The following DDX31 variants were observed in gnomAD, a reference collection of about 807,000 sequenced individuals.
DDX31 encodes the protein DEAD-box helicase 31.
In DDX31, 70 loss-of-function variants were observed where a neutral mutation model predicts 91.3. The ratio of observed to expected loss-of-function variants is 0.77; its 90% CI spans 0.63 to 0.94. The LOEUF (loss-of-function observed/expected upper bound fraction) is 0.94. DDX31 is among the 40% of genes least tolerant of loss of function. The pLI, the probability that DDX31 is intolerant of heterozygous loss-of-function variation, is 0.00. For missense variants in DDX31, 902 were observed against 925.0 expected, an observed-to-expected ratio of 0.98 and a Z score of 0.32; for synonymous variants, 362 against 350.6, an observed-to-expected ratio of 1.03 and a Z score of -0.36.
At chr9:132,605,633 C>T (rs1564278328) in intron 19 of DDX31, among the ~76,000 whole-genome samples, 1 of 152,204 alleles carries the variant, frequency 6.6e-6, no homozygotes, top group Non-Finnish European at 1.5e-5. Context: ...AAGCTGCCAC[C>T]ACAACAGACC....
In DDX31 at chr9:132,602,555, C is replaced by T. The variant is rs577759137; in HGVS notation, c.1995-7443G>A. Among the ~76,000 whole-genome samples, 4 of 152,306 alleles carry T rather than the reference C, an allele frequency of 2.6e-5. No homozygotes were observed. In the East Asian group the frequency reaches 7.7e-4, roughly 29 times the overall value. On this transcript the variant is annotated intron_variant, in intron 19 of 19. Transcript: ENST00000372159. Reference sequence around the variant, plus strand: ...AATGTTGGCTTCAAAACCCACGCTCCTAGCACTGTACCGTTCTGCTTCCAG... The same window carrying T: ...AATGTTGGCTTCAAAACCCACGCTCTTAGCACTGTACCGTTCTGCTTCCAG...
chr9:132,632,239 TGTACAC>T lies in DDX31; in HGVS notation c.1441-154_1441-149del, dbSNP rs879034947. ...GGCATACACGTATATGCCCAGTACG[TGTACAC>T]ACACACACACACACACACACACACA... On this transcript the variant is annotated intron_variant, in intron 14 of 19. Transcript: ENST00000372159. The T allele has an allele frequency of 9.8e-3, 522 of 53,236 alleles. 102 individuals are homozygous for T. The highest frequency in any genetic ancestry group is 0.02 in the Admixed American group (53 of 2,694). The allele number at this position is 53,236 out of a possible 1,614,324, so 3.3% of individuals were successfully genotyped here.
rs553093011 is a variant in DDX31 at position 132,595,164 on chromosome 9, C to G, written c.1995-52G>C. ...AAAAGAAACTTTATTATTTTTCTTT[C>G]CCATTTGGAAAGAGGCTGATAGCAG... On this transcript the variant is annotated intron_variant, in intron 19 of 19. Transcript: ENST00000372159. This position sits in a 1 kb window ranked among gnomAD's most constrained non-coding sequence, Gnocchi z 4.6. The G allele has an allele frequency of 1.9e-6, 3 of 1,577,698 alleles. No homozygotes were observed. Among genetic ancestry groups the G allele is most frequent in the Non-Finnish European group, 2.6e-6 (3 of 1,162,770 alleles).
At chr9:132,641,441 C>T (rs1284635930) in intron 14 of DDX31, among the ~76,000 whole-genome samples, 1 of 152,180 alleles carries the variant, frequency 6.6e-6, no homozygotes. Flanking sequence ...GGGTAGAGAA[C>T]ACTGAAGGTT....
intron 19 of DDX31, among the ~76,000 whole-genome samples, chr9:132,597,687 C>T (rs1326991613): frequency 6.6e-6 from 1 of 152,150 alleles, no homozygotes; most frequent in East Asian, 1.9e-4. Flanking sequence ...GGCAGTGCGC[C>T]CGTGCTCCCA....
rs141592319 is a variant in DDX31, at chr9:132,617,619, A to T, written c.1825+711T>A. On this transcript the variant is annotated intron_variant, in intron 18 of 19. Transcript: ENST00000372159. ...AAAATAGCAGGCAACTAACAAAAAA[A>T]CCCTGTGCATACTCCAGCATGGAGT... Among the ~76,000 whole-genome samples the T allele has an allele frequency of 3.3e-5, 5 of 152,272 alleles. No homozygotes were observed. In the East Asian group the frequency reaches 9.6e-4, roughly 29 times the overall value.
intron 3 of DDX31, 21 bp downstream of exon 3, chr9:132,662,240 A>G (rs1169099263): frequency 6.2e-7 from 1 of 1,613,836 alleles, no homozygotes. Flanking sequence ...ACTGACCCAG[A>G]AAACACTGAA....
At chr9:132,614,723 T>C (rs1237848070) in intron 18 of DDX31, among the ~76,000 whole-genome samples, 1 of 152,100 alleles carries the variant, frequency 6.6e-6, no homozygotes, top group Non-Finnish European at 1.5e-5. Flanking sequence ...TCCCAGGAGA[T>C]GTAGGTGCCC....
chr9:132,612,425 T>A, intron 18 of DDX31, 170 bp from the exon 19 acceptor site: 24 of 660,474 alleles, frequency 3.6e-5, no homozygotes, highest in East Asian at 6.1e-5. Context: ...GTGTATTTCT[T>A]CAATTCCTAA....
chr9:132,648,997 C>T (rs1024225916), intron 9 of DDX31, among the ~76,000 whole-genome samples: 23 of 152,266 alleles, frequency 1.5e-4, no homozygotes, highest in African/African-American at 3.4e-4. Context: ...TTCCATTCAA[C>T]GGGGCTCAGC....
rs962218344 is a variant in DDX31 at position 132,595,708 on chromosome 9, G to A, written c.1995-596C>T. Among the ~76,000 whole-genome samples, 1 of 152,170 alleles carries A rather than the reference G, an allele frequency of 6.6e-6. No individual in the cohort carries two copies. Among genetic ancestry groups the A allele is most frequent in the African/African-American group, 2.4e-5 (1 of 41,428 alleles). Reference sequence around the variant, plus strand: ...TCTGACCCTACAAAACCCAAACCCAGGGCACAGCCTGGTCAATGTCTGCAT... The same window carrying A: ...TCTGACCCTACAAAACCCAAACCCAAGGCACAGCCTGGTCAATGTCTGCAT... On this transcript the variant is annotated intron_variant, in intron 19 of 19. Coordinates refer to ENST00000372159, the MANE Select transcript of DDX31 (RefSeq NM_022779.9). This position sits in a 1 kb window ranked among gnomAD's most constrained non-coding sequence, Gnocchi z 4.6.
intron 9 of DDX31, among the ~76,000 whole-genome samples, chr9:132,649,325 C>T (rs144248386): frequency 1.3e-5 from 2 of 152,130 alleles, no homozygotes; most frequent in Admixed American, 6.5e-5. Flanking sequence ...AAAGGGAACA[C>T]GCCAATCACA....
At position 132,594,625 on chromosome 9, in the gene DDX31, T is replaced by C. The variant is rs1830343981; in HGVS notation, c.*241A>G. 2 of 545,540 alleles carry C rather than the reference T, an allele frequency of 3.7e-6. No individual in the cohort carries two copies. The highest frequency in any genetic ancestry group is 3.1e-6 in the Non-Finnish European group (1 of 322,850). The allele number at this position is 545,540 out of a possible 1,614,324, so 33.8% of individuals were successfully genotyped here. Reference sequence around the variant, plus strand: ...GAGTGCCGGGCACTGATGGGATCAATACAAGACACAGACCCCTTCCGTCGG... The same window carrying C: ...GAGTGCCGGGCACTGATGGGATCAACACAAGACACAGACCCCTTCCGTCGG... On this transcript the variant is annotated 3_prime_UTR_variant, in exon 20 of 20. Coordinates refer to ENST00000372159, the MANE Select transcript of DDX31 (RefSeq NM_022779.9).
At chr9:132,646,802 G>A (rs11243859) in intron 12 of DDX31, 21 bp downstream of exon 12, 25 of 1,609,720 alleles carry the variant, frequency 1.6e-5, no homozygotes, top group Non-Finnish European at 1.9e-5. Flanking sequence ...GAATCAAGTC[G>A]GCTCTAGCCC....
intron 8 of DDX31, 140 bp downstream of exon 8, chr9:132,650,935 A>C (rs1834143383): frequency 2.4e-6 from 2 of 836,656 alleles, no homozygotes; most frequent in Admixed American, 5.8e-5. Flanking sequence ...AAAACCTATA[A>C]ACTGCCTAGA....
intron 16 of DDX31, among the ~76,000 whole-genome samples, chr9:132,628,187 G>A (rs1832512087): frequency 1.3e-5 from 2 of 152,192 alleles, no homozygotes; most frequent in South Asian, 2.1e-4. Flanking sequence ...GTGCACCCAC[G>A]AGGCAGCAGC....
chr9:132,616,689 C>G (rs1474232627), intron 18 of DDX31, among the ~76,000 whole-genome samples: 1 of 152,168 alleles, frequency 6.6e-6, no homozygotes, highest in East Asian at 1.9e-4. Context: ...TCTTGAGAGA[C>G]ACAGAGCAAT....
intron 9 of DDX31, among the ~76,000 whole-genome samples, chr9:132,649,846 C>G (rs1834071817): frequency 6.6e-6 from 1 of 152,152 alleles, no homozygotes; most frequent in Non-Finnish European, 1.5e-5. Flanking sequence ...AAGCAAGTTA[C>G]AAAGCATTAT....
intron 17 of DDX31, among the ~76,000 whole-genome samples, chr9:132,622,295 C>T (rs1423523109): frequency 5.3e-5 from 8 of 152,196 alleles, no homozygotes; most frequent in Admixed American, 1.3e-4. Context: ...CTGGCTCTTA[C>T]TCATGAAGTT....
Sources: allele counts gnomAD v4.1 joint callset (sites outside exome capture counted in the v4.1 genomes callset), GRCh38; gene constraint gnomAD v4.1.1; non-coding constraint Gnocchi (gnomAD v3.1); transcripts MANE v1.5; gene names NCBI Gene and HGNC (gene_info 2026-07-23, HGNC 2026-07-21).